KCNJ6: variants seen among roughly 807,000 people sequenced by gnomAD.
The protein encoded by KCNJ6 is potassium inwardly rectifying channel subfamily J member 6, also known as G protein-activated inward rectifier potassium channel 2.
A neutral mutation model predicts 34.2 loss-of-function variants in KCNJ6; 9 were observed. That is an observed-to-expected ratio of 0.26 (90% confidence interval 0.16 to 0.46). The LOEUF is 0.46. KCNJ6 is among the 20% of genes least tolerant of loss of function. The pLI is 1.00. For missense variants in KCNJ6, 236 were observed against 531.3 expected, an observed-to-expected ratio of 0.44 and a Z score of 5.46; for synonymous variants, 196 against 207.1, an observed-to-expected ratio of 0.95 and a Z score of 0.46.
At chr21:37,636,107 C>G (rs1285476510) in intron 3 of KCNJ6, among the ~76,000 whole-genome samples, 5 of 152,178 alleles carry the variant, frequency 3.3e-5, no homozygotes, top group Admixed American at 6.5e-5. Flanking sequence ...GGACACCCAT[C>G]TCTAGAAGAG....
chr21:37,778,141 G>A (rs1431449263), intron 2 of KCNJ6, among the ~76,000 whole-genome samples: 1 of 152,178 alleles, frequency 6.6e-6, no homozygotes. Context: ...CTATAGCAGA[G>A]TTTTTTATTT....
chr21:37,692,324 C>A (rs146640966), intron 3 of KCNJ6, among the ~76,000 whole-genome samples: 1 of 152,084 alleles, frequency 6.6e-6, no homozygotes, highest in East Asian at 1.9e-4. Flanking sequence ...AAAGGCAATG[C>A]ATTTTTTTTT....
intron 1 of KCNJ6, among the ~76,000 whole-genome samples, chr21:37,903,237 G>T (rs557253734): frequency 6.6e-6 from 1 of 152,232 alleles, no homozygotes; most frequent in South Asian, 2.1e-4. Flanking sequence ...CTGAATCATG[G>T]GGGTAGTTTC....
chr21:37,730,503 A>G (rs940217217), intron 2 of KCNJ6, among the ~76,000 whole-genome samples: 10 of 152,252 alleles, frequency 6.6e-5, no homozygotes, highest in Non-Finnish European at 1.5e-5. Context: ...CACCTGGTCC[A>G]CAGCAGCCAT....
chr21:37,702,658 T>C (rs956229634), intron 3 of KCNJ6, among the ~76,000 whole-genome samples: 3 of 152,052 alleles, frequency 2.0e-5, no homozygotes, highest in African/African-American at 7.3e-5. Flanking sequence ...TAGTGTCACA[T>C]AGAAAAAGAT....
At chr21:37,802,199 C>G (rs1034392259) in intron 2 of KCNJ6, among the ~76,000 whole-genome samples, 1 of 152,208 alleles carries the variant, frequency 6.6e-6, no homozygotes, top group Non-Finnish European at 1.5e-5. Flanking sequence ...TTAGCCTTCC[C>G]TCTAAGCAAG....
In KCNJ6 at chr21:37,886,464, G is replaced by C. The variant is rs181226448; in HGVS notation, c.-28+29420C>G. 2.7e-3 allele frequency among the ~76,000 whole-genome samples: 415 copies of C among 152,238 alleles called. 1 individual carries two copies. The highest frequency in any genetic ancestry group is 8.9e-3 in the African/African-American group (371 of 41,538). ...TGGGTTTGGGGATGGATCATCCTGG[G>C]TCTTTCCAAGCTCCTTAAAGAATCT... is the stretch of plus-strand genomic sequence containing the variant. On this transcript the variant is annotated intron_variant, in intron 1 of 3. Coordinates refer to ENST00000609713, the MANE Select transcript of KCNJ6 (RefSeq NM_002240.5).
intron 2 of KCNJ6, among the ~76,000 whole-genome samples, chr21:37,759,411 C>T (rs190556672): frequency 8.1e-4 from 123 of 152,288 alleles, no homozygotes; most frequent in African/African-American, 2.8e-3. Flanking sequence ...AGCTGAAACG[C>T]GGCCTCTCCA....
At position 37,613,534 on chromosome 21, in the gene KCNJ6, G is replaced by A. The variant is rs80000115; in HGVS notation, c.*11625C>T. On this transcript the variant is annotated 3_prime_UTR_variant, in exon 4 of 4. Transcript: ENST00000609713. The stretch of plus-strand genomic sequence containing the variant: ...GCAACCAAGGTGTCCTTCAGTAGGT[G>A]AATGGATAAATAAACAGTGGTACAT... The A allele has an allele frequency of 0.27, 41,315 of 152,130 alleles. 6,042 individuals are homozygous for A. The highest frequency in any genetic ancestry group is 0.33 in the South Asian group (1,605 of 4,808). 9.4% of individuals were successfully genotyped at this position (152,130 alleles called of 1,614,324 possible).
intron 2 of KCNJ6, among the ~76,000 whole-genome samples, chr21:37,721,029 C>T (rs1346228782): frequency 6.6e-6 from 1 of 152,140 alleles, no homozygotes; most frequent in Non-Finnish European, 1.5e-5. Context: ...TCTAGTCATA[C>T]ATCTGATAAG....
chr21:37,887,215 A>G (rs1230722187), intron 1 of KCNJ6, among the ~76,000 whole-genome samples: 1 of 152,130 alleles, frequency 6.6e-6, no homozygotes, highest in East Asian at 1.9e-4. Flanking sequence ...CCAACCTTGT[A>G]AAGAACCACG....
At chr21:37,843,953 C>T (rs1297346821) in intron 1 of KCNJ6, among the ~76,000 whole-genome samples, 1 of 152,192 alleles carries the variant, frequency 6.6e-6, no homozygotes, top group Non-Finnish European at 1.5e-5. Context: ...CAACAATGTC[C>T]CTAATTTCCA....
At chr21:37,711,798 C>CCA (rs201012605) in intron 3 of KCNJ6, among the ~76,000 whole-genome samples, 16 of 70,708 alleles carry the variant, frequency 2.3e-4, no homozygotes, top group African/African-American at 1.1e-3. Flanking sequence ...CTTTCTAGAA[C>CCA]CCCCCCCCCA....
chr21:37,626,413 CG>C (rs909559894), intron 3 of KCNJ6, among the ~76,000 whole-genome samples: 1 of 152,152 alleles, frequency 6.6e-6, no homozygotes, highest in African/African-American at 2.4e-5. Context: ...GGATTACAGG[CG>C]TGAGCCACTG....
intron 3 of KCNJ6, among the ~76,000 whole-genome samples, chr21:37,663,185 G>A (rs760530991): frequency 1.3e-5 from 2 of 152,032 alleles, no homozygotes; most frequent in Admixed American, 6.5e-5. Context: ...TTTAGTGGAC[G>A]ATGATGGGTA....
In KCNJ6 at chr21:37,655,223, GTGAGAGAGA is replaced by G. The variant is rs2054456223; in HGVS notation, c.947-29748_947-29740del. Among the ~76,000 whole-genome samples, 72 of 10,214 alleles carry G rather than the reference GTGAGAGAGA, an allele frequency of 7.0e-3. 2 individuals are homozygous for G. Among genetic ancestry groups the G allele is most frequent in the African/African-American group, 0.011 (70 of 6,406 alleles). 6.7% of individuals were successfully genotyped at this position (10,214 alleles called of 152,430 possible). On this transcript the variant is annotated intron_variant, in intron 3 of 3. Coordinates refer to ENST00000609713, the MANE Select transcript of KCNJ6 (RefSeq NM_002240.5). ...TGTGTGTGTGTGTGTGTGTGTGTGTGTGAGAGAGAGAGAGAGAGAGAGAGAGAGAGAGAG... is the reference window on the plus strand; with the variant it reads ...TGTGTGTGTGTGTGTGTGTGTGTGTGGAGAGAGAGAGAGAGAGAGAGAGAG...
At chr21:37,771,139 G>A (rs1019712509) in intron 2 of KCNJ6, among the ~76,000 whole-genome samples, 1 of 152,152 alleles carries the variant, frequency 6.6e-6, no homozygotes, top group Non-Finnish European at 1.5e-5. Flanking sequence ...GTTGATAGGC[G>A]TGGTCTTTGT....
intron 2 of KCNJ6, among the ~76,000 whole-genome samples, chr21:37,786,525 C>T (rs1209104762): frequency 6.6e-6 from 1 of 152,178 alleles, no homozygotes. Flanking sequence ...GTCGTGTGCC[C>T]CACAATTCAG....
chr21:37,840,720 GAAGAA>G lies in KCNJ6; in HGVS notation c.-27-16_-27-12del. 1 of 1,489,186 alleles carries G rather than the reference GAAGAA, an allele frequency of 6.7e-7. No individual in the cohort carries two copies. 92.2% of individuals were successfully genotyped at this position (1,489,186 alleles called of 1,614,324 possible). On this transcript the variant is annotated splice_polypyrimidine_tract_variant and intron_variant, in intron 1 of 3. Coordinates refer to ENST00000609713, the MANE Select transcript of KCNJ6 (RefSeq NM_002240.5). ...TTCTTTGTGCTTTTCCTGGAGGTGA[GAAGAA>G]AAGACAATTATCTGTAAAACATGTC...
Sources: allele counts gnomAD v4.1 joint callset (sites outside exome capture counted in the v4.1 genomes callset), GRCh38; gene constraint gnomAD v4.1.1; transcripts MANE v1.5; gene names NCBI Gene and HGNC (gene_info 2026-07-23, HGNC 2026-07-21).